Variants in SLC61A1 observed in about 807,000 individuals in gnomAD.
The protein encoded by SLC61A1 is major facilitator superfamily domain containing 5.
chr12:53,252,558 G>T, the SLC61A1 span: 1 of 1,374,284 alleles, frequency 7.3e-7, no homozygotes, highest in Non-Finnish European at 9.5e-7. Context: ...TATTGAAAGG[G>T]ACTCCCTCTT....
At chr12:53,251,668 C>G in the SLC61A1 span, 1 of 1,451,266 alleles carries the variant, frequency 6.9e-7, no homozygotes, top group South Asian at 1.4e-5. Context: ...GTCTGCAGCC[C>G]GACTCCAAGT....
chr12:53,252,178 C>G, the SLC61A1 span: 1 of 1,423,306 alleles, frequency 7.0e-7, no homozygotes, highest in Non-Finnish European at 9.1e-7. Flanking sequence ...GCTGCTGGAA[C>G]CCGAGCCGGA....
At chr12:53,252,229 C>T in the SLC61A1 span, 3 of 1,412,756 alleles carry the variant, frequency 2.1e-6, no homozygotes, top group Non-Finnish European at 2.7e-6. Flanking sequence ...CGGCCTGGAG[C>T]CGGACGTGTC....
the SLC61A1 span, chr12:53,253,242 TTGG>T: frequency 2.5e-6 from 4 of 1,614,242 alleles, no homozygotes; most frequent in Non-Finnish European, 2.5e-6. Flanking sequence ...GGGCGAGCAC[TTGG>T]TGGGCTGTCC....
chr12:53,251,472 G>A, the SLC61A1 span: 1 of 489,246 alleles, frequency 2.0e-6, no homozygotes, highest in Non-Finnish European at 3.6e-6. Context: ...CTTGTAAGTG[G>A]CAGAAGGTAG....
At chr12:53,252,627 C>A in the SLC61A1 span, 1 of 1,206,108 alleles carries the variant, frequency 8.3e-7, no homozygotes, top group Non-Finnish European at 1.1e-6. Flanking sequence ...CCCCTCCCTG[C>A]CCCACAGTGT....
chr12:53,254,052 G>A, the SLC61A1 span: 90 of 1,614,062 alleles, frequency 5.6e-5, no homozygotes, highest in Middle Eastern at 1.6e-4. Context: ...ACAGGCACTC[G>A]GAATATGTTC....
the SLC61A1 span, chr12:53,253,975 G>T: frequency 6.2e-7 from 1 of 1,614,204 alleles, no homozygotes; most frequent in Non-Finnish European, 8.5e-7. Flanking sequence ...TACTCAACTG[G>T]TTCCGGGTAC....
the SLC61A1 span, chr12:53,253,400 G>T: frequency 6.2e-6 from 10 of 1,613,914 alleles, no homozygotes; most frequent in African/African-American, 1.2e-4. Context: ...AGGTGTGGCA[G>T]CTGAGGCTGT....
At chr12:53,253,264 G>C in the SLC61A1 span, 4 of 1,614,144 alleles carry the variant, frequency 2.5e-6, no homozygotes, top group Non-Finnish European at 3.4e-6. Context: ...CCACAGCCCT[G>C]CTCTTCTCAG....
At chr12:53,251,264 G>A in the SLC61A1 span, 1 of 164,970 alleles carries the variant, frequency 6.1e-6, no homozygotes, top group Non-Finnish European at 1.3e-5. Context: ...AGCCCTGGTG[G>A]TAGCCAACAT....
At chr12:53,253,283 G>A in the SLC61A1 span, 6 of 1,614,246 alleles carry the variant, frequency 3.7e-6, no homozygotes, top group East Asian at 1.1e-4. Flanking sequence ...AGCCTTCGAG[G>A]CCTGGTATAT....
At chr12:53,254,062 C>T in the SLC61A1 span, 1 of 1,614,192 alleles carries the variant, frequency 6.2e-7, no homozygotes, top group Non-Finnish European at 8.5e-7. Flanking sequence ...GGAATATGTT[C>T]AGCATTTGCT....
At chr12:53,252,624 C>T in the SLC61A1 span, 1 of 1,217,522 alleles carries the variant, frequency 8.2e-7, no homozygotes, top group Non-Finnish European at 1.1e-6. Context: ...TTACCCCTCC[C>T]TGCCCCACAG....
At chr12:53,251,479 G>A in the SLC61A1 span, 1 of 501,204 alleles carries the variant, frequency 2.0e-6, no homozygotes. Context: ...GTGGCAGAAG[G>A]TAGGGAATTA....
the SLC61A1 span, chr12:53,252,097 G>C: frequency 1.4e-6 from 2 of 1,456,170 alleles, no homozygotes; most frequent in South Asian, 2.8e-5. Context: ...CCCCCGTCAC[G>C]TGATGAAGCC....
chr12:53,253,879 A>G, the SLC61A1 span: 32 of 1,614,006 alleles, frequency 2.0e-5, no homozygotes, highest in African/African-American at 4.0e-4. Flanking sequence ...TAGCCTTTCT[A>G]CTTATTGAGT....
chr12:53,254,376 C>T, the SLC61A1 span: 1 of 617,236 alleles, frequency 1.6e-6, no homozygotes, highest in African/African-American at 1.8e-5. Context: ...GTGTTACTCC[C>T]ATTTAGAAAA....
At chr12:53,252,721 C>G in the SLC61A1 span, 1 of 1,398,550 alleles carries the variant, frequency 7.2e-7, no homozygotes, top group Non-Finnish European at 9.6e-7. Context: ...GTGGAGTTGG[C>G]AGCGGGGTTG....
Sources: allele counts gnomAD v4.1 joint callset, GRCh38; gene constraint gnomAD v4.1.1; transcripts MANE v1.5; gene names NCBI Gene and HGNC (gene_info 2026-07-23, HGNC 2026-07-21).